The following SNPH variants were observed in gnomAD, a reference collection of about 807,000 sequenced individuals.
SNPH encodes the protein syntaphilin.
In SNPH, 10 loss-of-function variants were observed where a neutral mutation model predicts 36.8. That is an observed-to-expected ratio of 0.27 (90% CI 0.17 to 0.46). SNPH has a LOEUF of 0.46. SNPH is among the 20% of genes least tolerant of loss of function. The pLI is 1.00. For missense variants in SNPH, 622 were observed against 744.0 expected, an observed-to-expected ratio of 0.84 and a Z score of 1.91; for synonymous variants, 281 against 312.2, an observed-to-expected ratio of 0.90 and a Z score of 1.05.
intron 4 of SNPH, 82 bp downstream of exon 4, chr20:1,296,503 T>A: frequency 8.1e-7 from 1 of 1,231,874 alleles, no homozygotes; most frequent in Non-Finnish European, 1.1e-6. Context: ...GCCACCAACT[T>A]GCAGTATGTG....
At chr20:1,289,742 T>G (rs1197437412) in intron 2 of SNPH, among the ~76,000 whole-genome samples, 1 of 151,824 alleles carries the variant, frequency 6.6e-6, no homozygotes, top group Non-Finnish European at 1.5e-5. Context: ...GGCAGAAGGA[T>G]CGCATGAGCT....
At chr20:1,290,630 G>A (rs926402229) in intron 2 of SNPH, among the ~76,000 whole-genome samples, 5 of 152,142 alleles carry the variant, frequency 3.3e-5, no homozygotes, top group African/African-American at 7.2e-5. Flanking sequence ...TAGCTATTAA[G>A]AATAGTGCTA....
chr20:1,286,068 C>T lies in SNPH; in HGVS notation c.-492-8883C>T, dbSNP rs148145736. On this transcript the variant is annotated intron_variant, in intron 2 of 6. Transcript: ENST00000381867. Reference sequence around the variant, plus strand: ...TTGCGCCACTGCACTCTAGCCTGAGCGACAGAGCGAGACTCCATCTTAAAA... The same window carrying T: ...TTGCGCCACTGCACTCTAGCCTGAGTGACAGAGCGAGACTCCATCTTAAAA... Among the ~76,000 whole-genome samples the T allele has an allele frequency of 7.5e-4, 95 of 127,100 alleles. No individual in the cohort carries two copies. In the East Asian group the frequency reaches 0.019, roughly 25 times the overall value. 83.4% of individuals were successfully genotyped at this position (127,100 alleles called of 152,430 possible). A position where few individuals can be genotyped will look rare whatever the true frequency, so the allele number is the denominator to read the frequency against.
In SNPH at chr20:1,296,200, C is replaced by A. The variant is rs1277071351; in HGVS notation, c.-40C>A. On this transcript the variant is annotated 5_prime_UTR_variant, in exon 4 of 7. Coordinates refer to ENST00000381867, the MANE Select transcript of SNPH (RefSeq NM_001318234.2). Reference sequence around the variant, plus strand: ...AGGCAGCCGTGGTCTGCCAGGCCCTCGCTCCTGGGGTGTCCTGCCGAAGGG... The same window carrying A: ...AGGCAGCCGTGGTCTGCCAGGCCCTAGCTCCTGGGGTGTCCTGCCGAAGGG... 2.1e-6 allele frequency: 3 copies of A among 1,457,992 alleles called. No homozygotes were observed. Among genetic ancestry groups the A allele is most frequent in the East Asian group, 2.7e-5 (1 of 37,132 alleles). 90.3% of individuals were successfully genotyped at this position (1,457,992 alleles called of 1,614,324 possible).
rs373921517 is a variant in SNPH, at chr20:1,296,310, G to A, written c.71G>A (p.Arg24His). ...GPALSAGPPT[R>H]PLSSAPGIPP... Reference sequence around the variant, plus strand: ...GCCCTTTCTGCGGGCCCCCCAACCCGCCCTCTCTCCTCAGCCCCCGGGATA... The same window carrying A: ...GCCCTTTCTGCGGGCCCCCCAACCCACCCTCTCTCCTCAGCCCCCGGGATA... Residue 24 changes from arginine to histidine, a missense_variant, in exon 4 of 7, where the codon CGC (arginine) becomes CAC (histidine). Physicochemically the swap from Arg to His is conservative, Grantham distance 29. Around this residue, in one of 3 missense-constraint regions of SNPH, gnomAD observed 187 missense variants for 209.4 expected, o/e 0.89. Coordinates refer to ENST00000381867, the MANE Select transcript of SNPH (RefSeq NM_001318234.2). 160 of 1,506,866 alleles carry A rather than the reference G, an allele frequency of 1.1e-4. No individual in the cohort carries two copies. Among genetic ancestry groups the A allele is most frequent in the Non-Finnish European group, 1.3e-4 (143 of 1,101,808 alleles). The allele number at this position is 1,506,866 out of a possible 1,614,324, so 93.3% of individuals were successfully genotyped here.
At position 1,294,926 on chromosome 20, in the gene SNPH, G is replaced by T. The variant is rs2088410248; in HGVS notation, c.-492-25G>T. The T allele has an allele frequency of 6.5e-6, 1 of 152,694 alleles. No homozygotes were observed. Among genetic ancestry groups the T allele is most frequent in the Non-Finnish European group, 1.5e-5 (1 of 68,020 alleles). 9.5% of individuals were successfully genotyped at this position (152,694 alleles called of 1,614,324 possible). On this transcript the variant is annotated intron_variant, in intron 2 of 6. Transcript: ENST00000381867. This position sits in a 1 kb window ranked among gnomAD's most constrained non-coding sequence, Gnocchi z 4.4. ...GCTCGATTCCTCATCTGTAAAAGGG[G>T]ACTAATCACAGCACTTCCTCATAGG...
At position 1,306,054 on chromosome 20, in the gene SNPH, A is replaced by G; in HGVS notation, c.1617A>G (p.Ter539TrpextTer14). The change falls in exon 7 of 7, where the codon TGA becomes TGG. Residue 539 changes from the stop codon to tryptophan, a stop_lost. Transcript: ENST00000381867. ...CAGCGGGCGGCGGCTCCCAGCTCTGAGGGGGCCCATTCTGGCAGCGGCGCC... is the reference window on the plus strand; with the variant it reads ...CAGCGGGCGGCGGCTCCCAGCTCTGGGGGGGCCCATTCTGGCAGCGGCGCC... ...PSPAGGGSQL[*>W] 1 of 1,452,036 alleles carries G rather than the reference A, an allele frequency of 6.9e-7. No homozygotes were observed. The highest frequency in any genetic ancestry group is 9.1e-7 in the Non-Finnish European group (1 of 1,104,494). 89.9% of individuals were successfully genotyped at this position (1,452,036 alleles called of 1,614,324 possible). A position where few individuals can be genotyped will look rare whatever the true frequency, so the allele number is the denominator to read the frequency against.
At chr20:1,277,813 GCC>G (rs1255599478) in intron 2 of SNPH, among the ~76,000 whole-genome samples, 2 of 141,630 alleles carry the variant, frequency 1.4e-5, no homozygotes, top group African/African-American at 5.2e-5. Context: ...GTGTGTCTGT[GCC>G]TGTGTGTCTG....
At position 1,308,344 on chromosome 20, in the gene SNPH, G is replaced by A. The variant is rs1428435141; in HGVS notation, c.*2290G>A. ...AGGGCCCTGGCCCACAGTGTTGAGG[G>A]TCCTCTCTTTCGGGGGCTCTCCTGG... On this transcript the variant is annotated 3_prime_UTR_variant, in exon 7 of 7. Transcript: ENST00000381867. 1 of 152,752 alleles carries A rather than the reference G, an allele frequency of 6.5e-6. No individual in the cohort carries two copies. The highest frequency in any genetic ancestry group is 2.4e-5 in the African/African-American group (1 of 41,464). 9.5% of individuals were successfully genotyped at this position (152,752 alleles called of 1,614,324 possible).
intron 2 of SNPH, among the ~76,000 whole-genome samples, chr20:1,290,868 CT>C (rs776856809): frequency 7.9e-5 from 12 of 152,242 alleles, no homozygotes; most frequent in Non-Finnish European, 1.5e-4. Flanking sequence ...TATTGTCCAT[CT>C]TTTTTATGCT....
intron 3 of SNPH, among the ~76,000 whole-genome samples, chr20:1,295,408 T>A (rs1457423506): frequency 6.6e-6 from 1 of 152,088 alleles, no homozygotes; most frequent in Non-Finnish European, 1.5e-5. Flanking sequence ...AGAGGCCCAG[T>A]GATGGGTCTC....
At chr20:1,300,013 G>T (rs915962214) in intron 5 of SNPH, among the ~76,000 whole-genome samples, 1 of 152,192 alleles carries the variant, frequency 6.6e-6, no homozygotes, top group African/African-American at 2.4e-5. Context: ...CCACCTGGGA[G>T]ATGTATCCTG....
At chr20:1,274,246 C>T (rs894158075) in intron 2 of SNPH, among the ~76,000 whole-genome samples, 1 of 151,928 alleles carries the variant, frequency 6.6e-6, no homozygotes, top group African/African-American at 2.4e-5. Context: ...AAAGTGCAGG[C>T]ATGGGAGAGA....
chr20:1,268,461 G>C (rs1342352791), intron 2 of SNPH, among the ~76,000 whole-genome samples: 1 of 152,142 alleles, frequency 6.6e-6, no homozygotes. Context: ...CCTTCCTGCT[G>C]TCATTTTCAG....
intron 2 of SNPH, among the ~76,000 whole-genome samples, chr20:1,275,132 C>G (rs114275103): frequency 0.036 from 5,551 of 152,284 alleles, 328 homozygotes; most frequent in African/African-American, 0.13. Context: ...CCACCCTGGG[C>G]CTTCTGGGAG....
chr20:1,299,645 A>G (rs2088480995), intron 5 of SNPH, among the ~76,000 whole-genome samples: 1 of 152,124 alleles, frequency 6.6e-6, no homozygotes, highest in South Asian at 2.1e-4. Context: ...GCCTGCTGCC[A>G]CCCCAGAGTA....
chr20:1,290,211 CA>C lies in SNPH; in HGVS notation c.-492-4727del, dbSNP rs35048205. 1.8e-3 allele frequency among the ~76,000 whole-genome samples: 261 copies of C among 145,154 alleles called. 1 individual carries two copies. The highest frequency in any genetic ancestry group is 6.2e-3 in the African/African-American group (244 of 39,184). On this transcript the variant is annotated intron_variant, in intron 2 of 6. Transcript: ENST00000381867. The stretch of plus-strand genomic sequence containing the variant: ...TGGGCGACACAGTGAGACTCTGTCT[CA>C]AAAAAAAAAAAATTAAGTTTTTAAA...
rs534066237 is a variant in SNPH, at chr20:1,300,960, C to T, written c.440+249C>T. On this transcript the variant is annotated intron_variant, in intron 6 of 6. Transcript: ENST00000381867. ...GAGCAGTTTCCCATGAGGGCCTGTC[C>T]TGTGGGGCCTCCTGCCTGTGCTGTC... Among the ~76,000 whole-genome samples, 4 of 152,368 alleles carry T rather than the reference C, an allele frequency of 2.6e-5. No individual in the cohort carries two copies. The South Asian group carries it at 8.3e-4, about 32-fold the overall frequency.
chr20:1,282,314 G>A (rs183032174), intron 2 of SNPH, among the ~76,000 whole-genome samples: 15 of 152,332 alleles, frequency 9.8e-5, no homozygotes, highest in Non-Finnish European at 1.6e-4. Context: ...AAGTCTAAAT[G>A]TTCAACAGAG....
Sources: allele counts gnomAD v4.1 joint callset (sites outside exome capture counted in the v4.1 genomes callset), GRCh38; gene constraint gnomAD v4.1.1; regional missense constraint gnomAD v4.1.1; non-coding constraint Gnocchi (gnomAD v3.1); transcripts MANE v1.5; gene names NCBI Gene and HGNC (gene_info 2026-07-23, HGNC 2026-07-21).